Variants in NRF1 observed in about 807,000 individuals in gnomAD.
The protein encoded by NRF1 is alpha palindromic-binding protein.
A neutral mutation model predicts 58.5 loss-of-function variants in NRF1; 5 were observed. The observed-to-expected ratio is 0.09, with a 90% CI of 0.04 to 0.18. NRF1 has a LOEUF of 0.18. Among genes scored for constraint, NRF1 ranks in the 10% least tolerant of loss-of-function variants. NRF1 has a pLI of 1.00. For missense variants in NRF1, 288 were observed against 657.7 expected, an observed-to-expected ratio of 0.44 and a Z score of 6.15; for synonymous variants, 224 against 246.7, an observed-to-expected ratio of 0.91 and a Z score of 0.86.
At chr7:129,722,787 C>T (rs1210738501) in intron 9 of NRF1, among the ~76,000 whole-genome samples, 1 of 152,220 alleles carries the variant, frequency 6.6e-6, no homozygotes, top group Non-Finnish European at 1.5e-5. Flanking sequence ...TCTCCCTTCA[C>T]TGCCCATGAA....
At chr7:129,683,598 G>A (rs977622682) in intron 4 of NRF1, among the ~76,000 whole-genome samples, 1 of 149,696 alleles carries the variant, frequency 6.7e-6, no homozygotes, top group African/African-American at 2.5e-5. Flanking sequence ...CCAAAGTGCT[G>A]CGATTACAGG....
intron 4 of NRF1, among the ~76,000 whole-genome samples, chr7:129,683,320 TGA>T (rs72404049): frequency 0.028 from 3,846 of 136,178 alleles, 46 homozygotes; most frequent in South Asian, 0.053. Context: ...TGTGTGTGTG[TGA>T]GAGAGAGAGA....
chr7:129,699,688 G>C (rs541387943), intron 5 of NRF1, among the ~76,000 whole-genome samples: 2 of 151,286 alleles, frequency 1.3e-5, no homozygotes, highest in Admixed American at 1.3e-4. Flanking sequence ...CCGAGATCGC[G>C]CCACTGCACT....
intron 10 of NRF1, among the ~76,000 whole-genome samples, chr7:129,728,494 A>AAC (rs1395059904): frequency 5.3e-4 from 78 of 147,710 alleles, no homozygotes; most frequent in African/African-American, 1.9e-3. Context: ...AAAAAAAAAA[A>AAC]CCAATCCTGG....
intron 10 of NRF1, among the ~76,000 whole-genome samples, chr7:129,751,430 T>C (rs1042821166): frequency 1.3e-5 from 2 of 152,228 alleles, no homozygotes; most frequent in Admixed American, 1.3e-4. Context: ...ATTTTTGCAT[T>C]AGAACCTTGC....
At chr7:129,749,250 G>T (rs750416401) in intron 10 of NRF1, among the ~76,000 whole-genome samples, 1 of 152,182 alleles carries the variant, frequency 6.6e-6, no homozygotes, top group Non-Finnish European at 1.5e-5. Flanking sequence ...GGGGAAAAGT[G>T]TTGAATTTGG....
At chr7:129,664,666 C>T (rs943755854) in intron 2 of NRF1, among the ~76,000 whole-genome samples, 1 of 152,326 alleles carries the variant, frequency 6.6e-6, no homozygotes, top group Admixed American at 6.5e-5. Context: ...CATGGCTTTG[C>T]TGTATTACTG....
At chr7:129,739,788 A>G (rs1803804388) in intron 10 of NRF1, among the ~76,000 whole-genome samples, 1 of 152,182 alleles carries the variant, frequency 6.6e-6, no homozygotes, top group Non-Finnish European at 1.5e-5. Flanking sequence ...GGCTACAGGT[A>G]TCTGCAGCCA....
intron 1 of NRF1, among the ~76,000 whole-genome samples, chr7:129,614,465 G>GTGTGTA (rs1800618909): frequency 1.6e-5 from 2 of 126,084 alleles, no homozygotes; most frequent in Admixed American, 1.7e-4. Context: ...GTGTGTGTGT[G>GTGTGTA]TACATACATA....
intron 5 of NRF1, among the ~76,000 whole-genome samples, chr7:129,697,065 A>G (rs998541649): frequency 3.3e-5 from 5 of 152,218 alleles, no homozygotes; most frequent in African/African-American, 9.6e-5. Flanking sequence ...AATGTTAATT[A>G]TATGTATTGC....
chr7:129,733,415 C>T (rs914357291), intron 10 of NRF1, among the ~76,000 whole-genome samples: 1 of 149,654 alleles, frequency 6.7e-6, no homozygotes. Flanking sequence ...TGCAGTGATC[C>T]GAGATTGCGC....
intron 4 of NRF1, among the ~76,000 whole-genome samples, chr7:129,689,455 C>T (rs542724575): frequency 6.6e-6 from 1 of 152,290 alleles, no homozygotes; most frequent in African/African-American, 2.4e-5. Flanking sequence ...GTCACATTTC[C>T]ATAATTCCAT....
At chr7:129,718,239 A>G (rs1803235914) in intron 9 of NRF1, among the ~76,000 whole-genome samples, 1 of 152,118 alleles carries the variant, frequency 6.6e-6, no homozygotes, top group Admixed American at 6.6e-5. Flanking sequence ...ATTAATGGTC[A>G]AGAGTGTGAG....
At position 129,686,837 on chromosome 7, in the gene NRF1, G is replaced by A. The variant is rs145346524; in HGVS notation, c.466-3569G>A. 4.9e-3 allele frequency among the ~76,000 whole-genome samples: 747 copies of A among 152,324 alleles called. 8 individuals are homozygous for A. The highest frequency in any genetic ancestry group is 0.017 in the African/African-American group (701 of 41,562). ...GCGTAAGCTATGGTTTTTGGAATAG[G>A]AGGCATAAGTTGGAACACAAACCTG... On this transcript the variant is annotated intron_variant, in intron 4 of 10. Transcript: ENST00000393232.
In NRF1 at chr7:129,727,383, T is replaced by G. The variant is rs367747269; in HGVS notation, c.1348+18T>G. 9.7e-5 allele frequency: 152 copies of G among 1,567,384 alleles called. No homozygotes were observed. Among genetic ancestry groups the G allele is most frequent in the Non-Finnish European group, 1.2e-4 (137 of 1,164,338 alleles). On this transcript the variant is annotated intron_variant, in intron 10 of 10. Transcript: ENST00000393232. ...TGCTAATGGTAAGAGAGCATAAATATTTTATTAAATTTCTTCCCTGTTTCC... is the reference window on the plus strand; with the variant it reads ...TGCTAATGGTAAGAGAGCATAAATAGTTTATTAAATTTCTTCCCTGTTTCC...
chr7:129,645,129 T>TA (rs1801376002), intron 1 of NRF1, among the ~76,000 whole-genome samples: 1 of 152,212 alleles, frequency 6.6e-6, no homozygotes, highest in African/African-American at 2.4e-5. Context: ...AAGAATAAGT[T>TA]ACACTTATAT....
intron 10 of NRF1, among the ~76,000 whole-genome samples, chr7:129,732,420 T>G (rs950487634): frequency 6.6e-6 from 1 of 152,226 alleles, no homozygotes; most frequent in South Asian, 2.1e-4. Context: ...ATGGCATATT[T>G]GAAGTTGGTG....
intron 10 of NRF1, among the ~76,000 whole-genome samples, chr7:129,743,288 T>C (rs1215414152): frequency 2.6e-5 from 4 of 152,208 alleles, no homozygotes; most frequent in African/African-American, 9.6e-5. Context: ...TTCACAGCCC[T>C]GCTGTTGGAC....
intron 1 of NRF1, among the ~76,000 whole-genome samples, chr7:129,652,888 G>A (rs566112564): frequency 3.9e-5 from 6 of 152,246 alleles, no homozygotes; most frequent in South Asian, 4.1e-4. Context: ...CACCGCGCCC[G>A]GCCAGATTAG....
Sources: gnomAD v4.1 joint callset for allele counts (sites outside exome capture counted in the v4.1 genomes callset) on GRCh38, gnomAD v4.1.1 for gene constraint, MANE v1.5 for transcripts, NCBI Gene and HGNC (gene_info 2026-07-23, HGNC 2026-07-21) for gene names.